The following CNGB1 variants were observed in gnomAD, a reference collection of about 807,000 sequenced individuals.
CNGB1 encodes cyclic nucleotide gated channel subunit beta 1, also known as cyclic nucleotide-gated channel beta-1.
A neutral mutation model predicts 151.7 loss-of-function variants in CNGB1; 126 were observed. That is an observed-to-expected ratio of 0.83 (90% confidence interval 0.72 to 0.96). CNGB1 has a LOEUF of 0.96. CNGB1 is among the 40% of genes least tolerant of loss of function. The probability of loss-of-function intolerance (pLI) is 0.00; values close to 1 mark genes in which losing one functional copy is unlikely to be tolerated. For synonymous variants in CNGB1, 623 were observed against 635.1 expected (o/e 0.98, Z 0.29); for missense variants, 1,698 against 1,627.0 (o/e 1.04, Z -0.75).
At chr16:57,930,506 C>A (rs1349758416) in intron 17 of CNGB1, among the ~76,000 whole-genome samples, 5 of 114,906 alleles carry the variant, frequency 4.4e-5, no homozygotes, top group Non-Finnish European at 8.1e-5. Flanking sequence ...AGGAAGAAAG[C>A]AGGAGAGGGG....
chr16:57,899,322 GA>G (rs138941043), intron 29 of CNGB1, among the ~76,000 whole-genome samples: 2 of 150,806 alleles, frequency 1.3e-5, no homozygotes, highest in Non-Finnish European at 2.9e-5. Context: ...GAGGTCTACA[GA>G]AAAAAAAAAT....
rs1960890730 is a variant in CNGB1, at chr16:57,917,186, C to T, written c.2166+82G>A. The T allele has an allele frequency of 5.3e-6, 6 of 1,129,088 alleles. No homozygotes were observed. In the East Asian group the frequency reaches 1.3e-4, roughly 24 times the overall value. 69.9% of individuals were successfully genotyped at this position (1,129,088 alleles called of 1,614,324 possible). A position where few individuals can be genotyped will look rare whatever the true frequency, so the allele number is the denominator to read the frequency against. On this transcript the variant is annotated intron_variant, in intron 21 of 32. Coordinates refer to ENST00000251102, the MANE Select transcript of CNGB1 (RefSeq NM_001297.5). ...TATTCACTTATTTTGTCATCTATGA[C>T]AGCATCAGGGGTCAGTGCCCTGGAG... is the stretch of plus-strand genomic sequence containing the variant.
In CNGB1 at chr16:57,960,021, G is replaced by A. The variant is rs769302175; in HGVS notation, c.628C>T (p.Arg210Trp). Residue 210 changes from arginine (R) to tryptophan (W), a missense_variant, in exon 10 of 33, where the codon CGG (arginine) becomes TGG (tryptophan). By Grantham distance (101) the Arg-to-Trp change is moderately radical. Transcript: ENST00000251102. ...GGTGTGGGCAGGGAGGGGGTCTCCC[G>A]GGCCTGCAGCTTGGGCCCCATTTCC... Reference protein sequence around the residue: ...PQEMGPKLQARETPSLPTPIP... With the variant: ...PQEMGPKLQAWETPSLPTPIP... The A allele has an allele frequency of 2.5e-5, 40 of 1,573,688 alleles. No homozygotes were observed. In the South Asian group the frequency reaches 3.0e-4, roughly 12 times the overall value.
intron 16 of CNGB1, chr16:57,937,121 T>C (rs1961533187): frequency 6.6e-6 from 1 of 152,584 alleles, no homozygotes; most frequent in South Asian, 2.1e-4. Context: ...CCTGGTCTCC[T>C]TGGCGAAGCT....
chr16:57,902,948 G>A (rs575517732), intron 27 of CNGB1, among the ~76,000 whole-genome samples: 122 of 152,154 alleles, frequency 8.0e-4, no homozygotes, highest in African/African-American at 2.8e-3. Context: ...CTATAATATC[G>A]ACTTTATAGA....
rs1003129398 is a variant in CNGB1, at chr16:57,905,002, T to C, written c.2493-127A>G. 1.2e-5 allele frequency: 15 copies of C among 1,247,604 alleles called. No homozygotes were observed. The African/African-American group carries it at 1.8e-4, about 15-fold the overall frequency. The allele number at this position is 1,247,604 out of a possible 1,614,324, so 77.3% of individuals were successfully genotyped here. On this transcript the variant is annotated intron_variant, in intron 25 of 32. Coordinates refer to ENST00000251102, the MANE Select transcript of CNGB1 (RefSeq NM_001297.5). ...AGACAGAAACCCTTTACAGCTCATC[T>C]ATGCAAGGAAAACCACCTCCTGCAC...
At chr16:57,912,419 A>G (rs1182702510) in intron 24 of CNGB1, among the ~76,000 whole-genome samples, 1 of 152,232 alleles carries the variant, frequency 6.6e-6, no homozygotes, top group Non-Finnish European at 1.5e-5. Context: ...AATGAGGGGC[A>G]TCGGATATTC....
At chr16:57,884,564 G>T in intron 32 of CNGB1, 107 bp from the exon 33 acceptor site, 1 of 1,252,684 alleles carries the variant, frequency 8.0e-7, no homozygotes. Context: ...AAAGAGGGCA[G>T]CGGAACACAC....
At chr16:57,947,466 C>G (rs547647342) in intron 14 of CNGB1, among the ~76,000 whole-genome samples, 5 of 152,244 alleles carry the variant, frequency 3.3e-5, no homozygotes, top group Non-Finnish European at 5.9e-5. Context: ...TGCAGGGTGG[C>G]TCAGAAGGCA....
intron 18 of CNGB1, among the ~76,000 whole-genome samples, chr16:57,921,352 G>C (rs542577492): frequency 1.3e-5 from 2 of 151,228 alleles, no homozygotes; most frequent in Non-Finnish European, 2.9e-5. Flanking sequence ...CTCCTGAGTA[G>C]CTGGGATTAC....
At chr16:57,946,004 A>T (rs72782266) in intron 14 of CNGB1, among the ~76,000 whole-genome samples, 5,465 of 152,278 alleles carry the variant, frequency 0.036, 138 homozygotes, top group Non-Finnish European at 0.055. Context: ...TCTAGGGGCC[A>T]TGTTACCAAA....
chr16:57,931,719 T>C lies in CNGB1; in HGVS notation c.1532A>G (p.His511Arg), dbSNP rs1185488160. Residue 511 changes from histidine (H) to arginine (R), a missense_variant, in exon 17 of 33, where the codon CAC becomes CGC. Transcript: ENST00000251102. ...LIVPSSASGT[H>R]RKKLPSEDDE... ...CAAGAGAAGCATAAAAGGTAACCTGTGTGTCCCCGAGGCTGAGCTTGGGAC... is the reference window on the plus strand; with the variant it reads ...CAAGAGAAGCATAAAAGGTAACCTGCGTGTCCCCGAGGCTGAGCTTGGGAC... 1.9e-6 allele frequency: 3 copies of C among 1,613,974 alleles called. No homozygotes were observed. Among genetic ancestry groups the C allele is most frequent in the Non-Finnish European group, 2.5e-6 (3 of 1,180,026 alleles).
At position 57,915,249 on chromosome 16, in the gene CNGB1, C is replaced by A; in HGVS notation, c.2304G>T (p.Lys768Asn). 6.2e-7 allele frequency: 1 copy of A among 1,613,198 alleles called. No homozygotes were observed. Among genetic ancestry groups the A allele is most frequent in the Non-Finnish European group, 8.5e-7 (1 of 1,179,398 alleles). Residue 768 changes from lysine (K) to asparagine (N), a missense_variant and splice_region_variant, in exon 23 of 33, where the codon AAG becomes AAT. Physicochemically the swap from Lys to Asn is moderately conservative, Grantham distance 94 (BLOSUM62 0). Transcript: ENST00000251102. ...GGGGTGGTGGGCCCAGCAGTCCTAC[C>A]TTTAAACAGCGGGGCAGGCGGAGGA... is the stretch of plus-strand genomic sequence containing the variant. ...NPLLRLPRCL[K>N]YMAFFEFNSR...
chr16:57,961,923 G>C (rs1269627648), intron 7 of CNGB1, among the ~76,000 whole-genome samples: 1 of 152,194 alleles, frequency 6.6e-6, no homozygotes, highest in Non-Finnish European at 1.5e-5. Flanking sequence ...GGAGCTTCAA[G>C]CTTACTTTGG....
rs2149349718 is a variant in CNGB1 at position 57,883,475 on chromosome 16, C to T, written c.*689G>A. The T allele has an allele frequency of 6.4e-6, 1 of 156,950 alleles. No individual in the cohort carries two copies. Among genetic ancestry groups the T allele is most frequent in the African/African-American group, 2.4e-5 (1 of 41,596 alleles). 9.7% of individuals were successfully genotyped at this position (156,950 alleles called of 1,614,324 possible). A position where few individuals can be genotyped will look rare whatever the true frequency, so the allele number is the denominator to read the frequency against. The stretch of plus-strand genomic sequence containing the variant: ...TTTTGAGACAGGGTCTCACTGTGTC[C>T]AGCTCACTGCAGCCAGAAACTCCTG... On this transcript the variant is annotated 3_prime_UTR_variant, in exon 33 of 33. Transcript: ENST00000251102.
intron 21 of CNGB1, among the ~76,000 whole-genome samples, chr16:57,917,042 TC>T (rs1165514664): frequency 1.3e-5 from 2 of 152,176 alleles, no homozygotes; most frequent in African/African-American, 4.8e-5. Context: ...TGTCAAGTGG[TC>T]CAGGAACTAT....
chr16:57,907,507 C>G (rs1202503300), intron 25 of CNGB1, among the ~76,000 whole-genome samples: 1 of 152,242 alleles, frequency 6.6e-6, no homozygotes, highest in Non-Finnish European at 1.5e-5. Context: ...GACTCCTGTT[C>G]AGGCCCAGGC....
At chr16:57,926,715 T>C (rs13331301) in intron 17 of CNGB1, among the ~76,000 whole-genome samples, 23,016 of 152,142 alleles carry the variant, frequency 0.15, 3,099 homozygotes, top group African/African-American at 0.37. Context: ...TGCTGTGGCT[T>C]ACACCCGTAA....
At chr16:57,950,263 C>T (rs1285605542) in intron 13 of CNGB1, 118 bp downstream of exon 13, 2 of 1,226,738 alleles carry the variant, frequency 1.6e-6, no homozygotes, top group African/African-American at 3.0e-5. Flanking sequence ...TGTATGAAGG[C>T]AGGGGGAAGC....
Sources: allele counts gnomAD v4.1 joint callset (sites outside exome capture counted in the v4.1 genomes callset), GRCh38; gene constraint gnomAD v4.1.1; transcripts MANE v1.5; gene names NCBI Gene and HGNC (gene_info 2026-07-23, HGNC 2026-07-21).